Variants in ELF1 observed in about 807,000 individuals in gnomAD.
ELF1 encodes ETS-related transcription factor Elf-1.
A neutral mutation model predicts 59.9 loss-of-function variants in ELF1; 24 were observed. That is an observed-to-expected ratio of 0.40 (90% CI 0.29 to 0.56). The LOEUF (loss-of-function observed/expected upper bound fraction) is 0.56, where lower values mean the gene tolerates loss of function less well. Among genes scored for constraint, ELF1 ranks in the 20% least tolerant of loss-of-function variants. The probability of loss-of-function intolerance (pLI) is 0.44; values close to 1 mark genes in which losing one functional copy is unlikely to be tolerated. For missense variants in ELF1, 627 were observed against 742.2 expected (o/e 0.84, Z 1.80); for synonymous variants, 248 against 266.2 (o/e 0.93, Z 0.67).
At chr13:40,974,231 CA>C (rs1224383449) in intron 2 of ELF1, among the ~76,000 whole-genome samples, 8 of 152,064 alleles carry the variant, frequency 5.3e-5, no homozygotes, top group Non-Finnish European at 1.0e-4. Flanking sequence ...GTATGCCAGG[CA>C]TAAGAACCAT....
chr13:41,037,121 T>TA lies in ELF1; in HGVS notation c.-229+23716dup, dbSNP rs966762801. Among the ~76,000 whole-genome samples the TA allele has an allele frequency of 1.1e-4, 16 of 151,464 alleles. No homozygotes were observed. In the South Asian group the frequency reaches 1.5e-3, roughly 14 times the overall value. ...AGTATAATAAAATATATATATATAT[T>TA]AAAAAAAACCTTAAAAGTATTTTAG... On this transcript the variant is annotated intron_variant, in intron 1 of 1. Transcript: ENST00000405737.
chr13:41,060,326 T>A (rs967139544), intron 1 of ELF1, among the ~76,000 whole-genome samples: 1 of 152,142 alleles, frequency 6.6e-6, no homozygotes, highest in African/African-American at 2.4e-5. Flanking sequence ...CAGCCCGTCC[T>A]GCATAGGAAG....
chr13:40,950,894 A>G (rs1445406658), intron 4 of ELF1, among the ~76,000 whole-genome samples: 1 of 152,236 alleles, frequency 6.6e-6, no homozygotes, highest in Non-Finnish European at 1.5e-5. Context: ...TTGTCAGAAA[A>G]GCCCAAAGGA....
chr13:40,946,995 T>C (rs1870546966), intron 5 of ELF1, among the ~76,000 whole-genome samples: 2 of 152,152 alleles, frequency 1.3e-5, no homozygotes, highest in African/African-American at 4.8e-5. Flanking sequence ...AGCACAATTA[T>C]TTTGAGAGAT....
At chr13:40,980,934 C>T (rs1873223727) in intron 2 of ELF1, among the ~76,000 whole-genome samples, 1 of 152,116 alleles carries the variant, frequency 6.6e-6, no homozygotes, top group Admixed American at 6.5e-5. Context: ...GTTAAGGCAA[C>T]TTAATCCAAA....
At chr13:41,051,362 G>A (rs948533953) in intron 1 of ELF1, among the ~76,000 whole-genome samples, 3 of 151,726 alleles carry the variant, frequency 2.0e-5, no homozygotes, top group Middle Eastern at 3.4e-3. Flanking sequence ...CAATTCATGC[G>A]CTGGGACACC....
intron 1 of ELF1, among the ~76,000 whole-genome samples, chr13:40,997,565 C>T (rs1477422489): frequency 6.7e-6 from 1 of 150,116 alleles, no homozygotes; most frequent in Admixed American, 6.7e-5. Context: ...CATCTTTTTT[C>T]TTTTTTTTTA....
chr13:40,958,090 C>T (rs1871567151), intron 3 of ELF1, among the ~76,000 whole-genome samples: 1 of 152,172 alleles, frequency 6.6e-6, no homozygotes, highest in Admixed American at 6.5e-5. Context: ...TCTCAAATAT[C>T]CACAACATCC....
At chr13:41,039,883 C>T (rs1264606954) in intron 1 of ELF1, among the ~76,000 whole-genome samples, 2 of 152,020 alleles carry the variant, frequency 1.3e-5, no homozygotes, top group African/African-American at 4.8e-5. Flanking sequence ...AATAGAAAAA[C>T]AGGCATAAGG....
chr13:41,045,711 A>G (rs1324264679), intron 1 of ELF1, among the ~76,000 whole-genome samples: 1 of 152,128 alleles, frequency 6.6e-6, no homozygotes, highest in East Asian at 1.9e-4. Context: ...TATGTGGTCA[A>G]TTTTGGAATA....
In ELF1 at chr13:40,940,997, C is replaced by T; in HGVS notation, c.1180G>A (p.Ala394Thr). The change falls in exon 8 of 9, where the codon GCT becomes ACT. Residue 394 changes from alanine to threonine, a missense_variant. Physicochemically the swap from Ala to Thr is moderately conservative, Grantham distance 58. Coordinates refer to ENST00000239882, the MANE Select transcript of ELF1 (RefSeq NM_172373.4). ...RTVHVVQPVQAVPEGEAARTS... is the reference protein window; with the variant it reads ...RTVHVVQPVQTVPEGEAARTS... The stretch of plus-strand genomic sequence containing the variant: ...CTAGCTGCTTCTCCCTCTGGGACAG[C>T]CTGTACTGGCTGTACTACATGAACA... 1 of 1,614,196 alleles carries T rather than the reference C, an allele frequency of 6.2e-7. No individual in the cohort carries two copies. The highest frequency in any genetic ancestry group is 8.5e-7 in the Non-Finnish European group (1 of 1,180,040).
intron 1 of ELF1, among the ~76,000 whole-genome samples, chr13:40,988,832 G>C (rs1480145353): frequency 6.6e-6 from 1 of 151,988 alleles, no homozygotes; most frequent in Non-Finnish European, 1.5e-5. Context: ...ACAGAGTCTT[G>C]CTCTATCGCT....
intron 1 of ELF1, among the ~76,000 whole-genome samples, chr13:40,985,091 T>C (rs1873485702): frequency 6.6e-6 from 1 of 152,246 alleles, no homozygotes; most frequent in South Asian, 2.1e-4. Context: ...CTTATTTCTA[T>C]AGAGAAGTCC....
intron 1 of ELF1, among the ~76,000 whole-genome samples, chr13:41,037,629 T>C: frequency 6.6e-6 from 1 of 151,878 alleles, no homozygotes. Context: ...ACCTCATCTC[T>C]ACTAAAAAAT....
intron 1 of ELF1, among the ~76,000 whole-genome samples, chr13:40,993,854 T>C (rs1239850981): frequency 6.6e-6 from 1 of 152,026 alleles, no homozygotes; most frequent in East Asian, 1.9e-4. Flanking sequence ...CCCAGGACGT[T>C]ATCAAAAGTA....
intron 1 of ELF1, among the ~76,000 whole-genome samples, chr13:41,056,688 T>C (rs889864626): frequency 6.6e-6 from 1 of 152,142 alleles, no homozygotes; most frequent in African/African-American, 2.4e-5. Context: ...TTCAGGGAAC[T>C]TATATTGACA....
Position 40,941,150 on chromosome 13 carries a change from T to C in ELF1, c.1027A>G (p.Thr343Ala), listed in dbSNP as rs1056820. 30 of 1,614,040 alleles carry C rather than the reference T, an allele frequency of 1.9e-5. No homozygotes were observed. In the East Asian group the frequency reaches 4.7e-4, roughly 25 times the overall value. The change falls in exon 8 of 9, where the codon ACA (threonine) becomes GCA (alanine). Residue 343 changes from threonine to alanine, a missense_variant. Thr to Ala is a moderately conservative substitution (Grantham distance 58, BLOSUM62 0). Coordinates refer to ENST00000239882, the MANE Select transcript of ELF1 (RefSeq NM_172373.4). ...SSPGVKGGAT[T>A]VLKPGNSKAA... ...TTAGAATTCCCTGGTTTTAGAACTG[T>C]AGTGGCTCCTCCTTTTACCCCTGGA...
rs529082750 is a variant in ELF1, at chr13:41,013,203, G to A, written c.-229+6025C>T. Among the ~76,000 whole-genome samples, 371 of 152,220 alleles carry A rather than the reference G, an allele frequency of 2.4e-3. 3 individuals carry two copies. The highest frequency in any genetic ancestry group is 0.011 in the South Asian group (53 of 4,816). On this transcript the variant is annotated intron_variant, in intron 1 of 8. Transcript: ENST00000239882. ...TCGGCAGATATCTGATCCTAGGAAA[G>A]ATAATGAAGAACTCTAAATTACATT...
chr13:41,022,954 G>C (rs567258110), upstream of ELF1, among the ~76,000 whole-genome samples: 1 of 152,196 alleles, frequency 6.6e-6, no homozygotes, highest in East Asian at 1.9e-4. Context: ...AGGAAGGGAG[G>C]AAGGGAGGAA....
Sources: gnomAD v4.1 joint callset for allele counts (sites outside exome capture counted in the v4.1 genomes callset) on GRCh38, gnomAD v4.1.1 for gene constraint, MANE v1.5 for transcripts, NCBI Gene and HGNC (gene_info 2026-07-23, HGNC 2026-07-21) for gene names.